The following DIP2B variants were observed in gnomAD, a reference collection of about 807,000 sequenced individuals.
DIP2B encodes the protein DIP2 acetate--CoA ligase B (putative), also known as disco-interacting protein 2 homolog B.
Under a neutral mutation model 198.0 loss-of-function variants are expected in DIP2B, and 76 were observed. The ratio of observed to expected loss-of-function variants is 0.38; its 90% CI spans 0.32 to 0.46. The LOEUF (loss-of-function observed/expected upper bound fraction) is 0.46. Among genes scored for constraint, DIP2B ranks in the 20% least tolerant of loss-of-function variants. DIP2B has a pLI of 0.99. For synonymous variants in DIP2B, 701 were observed against 739.1 expected, an observed-to-expected ratio of 0.95 and a Z score of 0.84; for missense variants, 1,559 against 1,978.4, an observed-to-expected ratio of 0.79 and a Z score of 4.02.
chr12:50,511,289 C>CTTTTTTTTT (rs1316212138), intron 1 of DIP2B, among the ~76,000 whole-genome samples: 134 of 20,800 alleles, frequency 6.4e-3, no homozygotes, highest in East Asian at 0.024. Context: ...AGTGTGATTT[C>CTTTTTTTTT]TATTTTTTTT....
intron 30 of DIP2B, among the ~76,000 whole-genome samples, chr12:50,729,943 G>C (rs1268082032): frequency 2.0e-5 from 3 of 151,814 alleles, no homozygotes; most frequent in African/African-American, 7.3e-5. Flanking sequence ...GGCTGGTCTT[G>C]AACTCCTGGA....
chr12:50,531,644 T>A (rs1958218107), intron 1 of DIP2B, among the ~76,000 whole-genome samples: 1 of 152,086 alleles, frequency 6.6e-6, no homozygotes, highest in Non-Finnish European at 1.5e-5. Context: ...TGCAGCCTGT[T>A]GAAAGTGGAT....
chr12:50,702,580 G>A (rs541594812), intron 19 of DIP2B, among the ~76,000 whole-genome samples: 16 of 151,620 alleles, frequency 1.1e-4, no homozygotes, highest in African/African-American at 2.9e-4. Context: ...AAAATTATCC[G>A]GGTGCTGTGG....
At chr12:50,550,455 A>T (rs79485089) in intron 1 of DIP2B, among the ~76,000 whole-genome samples, 1 of 152,334 alleles carries the variant, frequency 6.6e-6, no homozygotes, top group Non-Finnish European at 1.5e-5. Flanking sequence ...TAAGATATTC[A>T]TAACCATTAG....
intron 1 of DIP2B, among the ~76,000 whole-genome samples, chr12:50,594,200 T>C (rs948974247): frequency 6.6e-6 from 1 of 151,776 alleles, no homozygotes; most frequent in Non-Finnish European, 1.5e-5. Flanking sequence ...CGCCTCAGCC[T>C]CCCAAAGTGC....
intron 1 of DIP2B, among the ~76,000 whole-genome samples, chr12:50,568,179 T>C (rs775830331): frequency 6.6e-6 from 1 of 152,340 alleles, no homozygotes; most frequent in Non-Finnish European, 1.5e-5. Context: ...GGGAGTGTCT[T>C]ATAGCTCAGT....
intron 3 of DIP2B, among the ~76,000 whole-genome samples, chr12:50,643,405 C>CTG (rs57483938): frequency 0.16 from 21,326 of 130,868 alleles, 1,836 homozygotes; most frequent in Non-Finnish European, 0.2. Flanking sequence ...GGGAGTTTTT[C>CTG]TGTGTGTGTG....
rs1938911186 is a variant in DIP2B, at chr12:50,674,523, A to C, written c.690A>C (p.Ser230=). 20 of 1,614,094 alleles carry C rather than the reference A, an allele frequency of 1.2e-5. No individual in the cohort carries two copies. Among genetic ancestry groups the C allele is most frequent in the Admixed American group, 1.7e-5 (1 of 60,008 alleles). The change falls in exon 6 of 38, where the codon TCA becomes TCC. Residue 230 remains serine, a synonymous_variant. Transcript: ENST00000301180. ...PDVTTTTSSS[S]SSSSIRPANI... ...TCACTACAACTACCTCTTCCTCCTC[A>C]TCATCTTCCTCAATTCGCCCAGCAA...
At chr12:50,514,048 C>A (rs902415043) in intron 1 of DIP2B, among the ~76,000 whole-genome samples, 45 of 147,326 alleles carry the variant, frequency 3.1e-4, no homozygotes, top group African/African-American at 1.0e-3. Flanking sequence ...AAATCTAAAG[C>A]TCTGTCACTC....
Position 50,555,317 on chromosome 12 carries a change from A to G in DIP2B, c.100+50077A>G, listed in dbSNP as rs577341133. ...AGAGGGAATTGGTTCTCCCCTTCCT[A>G]TGTATTTTCATAGTGTAAGTCTCTT... On this transcript the variant is annotated intron_variant, in intron 1 of 37. Coordinates refer to ENST00000301180, the MANE Select transcript of DIP2B (RefSeq NM_173602.3). 1.1e-4 allele frequency among the ~76,000 whole-genome samples: 17 copies of G among 151,954 alleles called. No individual in the cohort carries two copies. The South Asian group carries it at 3.3e-3, about 30-fold the overall frequency.
At chr12:50,659,794 T>G (rs1400272763) in intron 3 of DIP2B, among the ~76,000 whole-genome samples, 1 of 152,176 alleles carries the variant, frequency 6.6e-6, no homozygotes, top group Non-Finnish European at 1.5e-5. Context: ...ATCCTAAGCT[T>G]CTTTTCTTGA....
At chr12:50,550,586 A>G (rs921672107) in intron 1 of DIP2B, among the ~76,000 whole-genome samples, 10 of 152,298 alleles carry the variant, frequency 6.6e-5, no homozygotes, top group African/African-American at 2.2e-4. Context: ...ATTATCTTAA[A>G]CAGAAGGAAA....
intron 1 of DIP2B, among the ~76,000 whole-genome samples, chr12:50,601,355 T>A (rs147747024): frequency 5.5e-4 from 83 of 150,944 alleles, no homozygotes; most frequent in African/African-American, 2.0e-3. Context: ...GTTTGTTTGT[T>A]TTTTTTTTAG....
intron 1 of DIP2B, among the ~76,000 whole-genome samples, chr12:50,624,146 T>C (rs1189882033): frequency 1.3e-5 from 2 of 152,206 alleles, no homozygotes; most frequent in Non-Finnish European, 2.9e-5. Flanking sequence ...TCTAAGAGGA[T>C]TGTATCATTT....
intron 33 of DIP2B, among the ~76,000 whole-genome samples, chr12:50,734,636 C>G (rs942578488): frequency 6.6e-6 from 1 of 152,164 alleles, no homozygotes; most frequent in Non-Finnish European, 1.5e-5. Flanking sequence ...TGAGCGCTGG[C>G]CCAGGGCTCT....
At chr12:50,651,385 G>A (rs1289112935) in intron 3 of DIP2B, among the ~76,000 whole-genome samples, 1 of 152,042 alleles carries the variant, frequency 6.6e-6, no homozygotes. Flanking sequence ...TTGCTGTCGC[G>A]TTCAATAAAT....
At position 50,728,662 on chromosome 12, in the gene DIP2B, C is replaced by T. The variant is rs371047135; in HGVS notation, c.3625C>T (p.Leu1209Phe). Residue 1209 changes from leucine to phenylalanine, a missense_variant, in exon 30 of 38, where the codon CTC becomes TTC. Transcript: ENST00000301180. ...LDPYCGLGFA[L>F]WCLCSVYSGH... The stretch of plus-strand genomic sequence containing the variant: ...CCCTTACTGTGGACTTGGCTTCGCG[C>T]TCTGGTGTCTCTGCAGGTAGGGATG... 3.1e-6 allele frequency: 5 copies of T among 1,613,796 alleles called. No individual in the cohort carries two copies. The highest frequency in any genetic ancestry group is 4.2e-6 in the Non-Finnish European group (5 of 1,179,976).
At chr12:50,516,989 C>T (rs1334686563) in intron 1 of DIP2B, among the ~76,000 whole-genome samples, 3 of 151,294 alleles carry the variant, frequency 2.0e-5, no homozygotes, top group Non-Finnish European at 2.9e-5. Flanking sequence ...GAGCAAGACT[C>T]TGTCTCAAAA....
intron 1 of DIP2B, among the ~76,000 whole-genome samples, chr12:50,608,258 A>G (rs1055017540): frequency 6.6e-6 from 1 of 152,334 alleles, no homozygotes; most frequent in Admixed American, 6.5e-5. Flanking sequence ...CAAGAATAAA[A>G]AGAAACAAAA....
Sources: allele counts gnomAD v4.1 joint callset (sites outside exome capture counted in the v4.1 genomes callset), GRCh38; gene constraint gnomAD v4.1.1; transcripts MANE v1.5; gene names NCBI Gene and HGNC (gene_info 2026-07-23, HGNC 2026-07-21).